ZC3H12B: variants seen among roughly 807,000 people sequenced by gnomAD.
ZC3H12B encodes the protein probable ribonuclease ZC3H12B.
In ZC3H12B, 7 loss-of-function variants were observed where a neutral mutation model predicts 43.9. The ratio of observed to expected loss-of-function variants is 0.16; its 90% CI spans 0.09 to 0.30. The LOEUF (loss-of-function observed/expected upper bound fraction) is 0.30, where lower values mean the gene tolerates loss of function less well. Among genes scored for constraint, ZC3H12B ranks in the 10% least tolerant of loss-of-function variants. The pLI is 1.00. For missense variants in ZC3H12B, 475 were observed against 670.2 expected, an observed-to-expected ratio of 0.71 and a Z score of 3.22; for synonymous variants, 222 against 241.7, an observed-to-expected ratio of 0.92 and a Z score of 0.76.
the ZC3H12B span, among the ~76,000 whole-genome samples, chrX:65,035,294 C>G: frequency 2.7e-5 from 3 of 112,048 alleles, no homozygotes; most frequent in Non-Finnish European, 5.7e-5. Flanking sequence ...CGCACTCGCT[C>G]GGTTCTAGTG....
At chrX:65,141,560 G>C in the ZC3H12B span, among the ~76,000 whole-genome samples, 1 of 108,760 alleles carries the variant, frequency 9.2e-6, no homozygotes, top group Non-Finnish European at 1.9e-5. Context: ...GGAACAAGTG[G>C]TGTTTGGTTT....
At chrX:65,159,660 C>T in the ZC3H12B span, among the ~76,000 whole-genome samples, 4 of 111,845 alleles carry the variant, frequency 3.6e-5, no homozygotes, top group East Asian at 2.8e-4. Flanking sequence ...AGGAGATTTT[C>T]GGCTGAGACA....
At chrX:65,085,781 A>T in the ZC3H12B span, among the ~76,000 whole-genome samples, 1 of 111,346 alleles carries the variant, frequency 9.0e-6, no homozygotes, top group Non-Finnish European at 1.9e-5. Context: ...GAAAAAAAAA[A>T]AAGATTTTGA....
chrX:65,431,045 C>T (rs376142358), intron 3 of ZC3H12B, among the ~76,000 whole-genome samples: 1 of 112,339 alleles, frequency 8.9e-6, no homozygotes, highest in Non-Finnish European at 1.9e-5. Flanking sequence ...TTTTATCAAG[C>T]CAGCTACTTC....
the ZC3H12B span, among the ~76,000 whole-genome samples, chrX:65,273,471 C>T: frequency 1.8e-5 from 2 of 110,117 alleles, no homozygotes; most frequent in South Asian, 7.7e-4. Context: ...ATCAAACAAG[C>T]AAATATATGC....
the ZC3H12B span, among the ~76,000 whole-genome samples, chrX:65,183,741 G>A: frequency 9.0e-6 from 1 of 111,566 alleles, no homozygotes; most frequent in African/African-American, 3.3e-5. Context: ...AATAGAATAT[G>A]TAAGGTACTT....
chrX:65,274,760 T>C, the ZC3H12B span, among the ~76,000 whole-genome samples: 1 of 110,963 alleles, frequency 9.0e-6, no homozygotes, highest in Non-Finnish European at 1.9e-5. Flanking sequence ...TCCTGTCCAA[T>C]GGCCATGTGC....
the ZC3H12B span, among the ~76,000 whole-genome samples, chrX:65,154,277 G>A: frequency 2.4e-4 from 27 of 111,301 alleles, no homozygotes; most frequent in East Asian, 5.6e-4. Context: ...TTCTCATGCC[G>A]TACACAAACA....
intron 3 of ZC3H12B, among the ~76,000 whole-genome samples, chrX:65,457,421 C>T (rs193018700): frequency 0.046 from 3,398 of 73,354 alleles, 470 homozygotes; most frequent in African/African-American, 0.24. Context: ...CCTGGCCGGC[C>T]GCCCCGTCCG....
chrX:65,074,078 G>A, the ZC3H12B span, among the ~76,000 whole-genome samples: 1 of 111,541 alleles, frequency 9.0e-6, no homozygotes, highest in Non-Finnish European at 1.9e-5. Flanking sequence ...AGCAGTGGAG[G>A]TTTTATTTTC....
At chrX:65,337,042 C>A in the ZC3H12B span, among the ~76,000 whole-genome samples, 1 of 112,294 alleles carries the variant, frequency 8.9e-6, no homozygotes, top group East Asian at 2.8e-4. Context: ...AAGTTGAGCC[C>A]TGAACCCAAG....
At chrX:65,191,918 G>C in the ZC3H12B span, among the ~76,000 whole-genome samples, 1 of 103,014 alleles carries the variant, frequency 9.7e-6, no homozygotes, top group East Asian at 3.0e-4. Flanking sequence ...GATCTTTCCT[G>C]CTTTCTCTTG....
the ZC3H12B span, among the ~76,000 whole-genome samples, chrX:65,148,442 G>C: frequency 9.0e-6 from 1 of 111,635 alleles, no homozygotes; most frequent in East Asian, 2.8e-4. Context: ...TCTGGTCCTG[G>C]GGCATGCCTA....
chrX:65,120,600 A>G, the ZC3H12B span, among the ~76,000 whole-genome samples: 2 of 111,424 alleles, frequency 1.8e-5, no homozygotes, highest in Non-Finnish European at 3.8e-5. Flanking sequence ...GCAAACAGGG[A>G]CAATTTGACT....
At chrX:65,450,328 C>T (rs1262097095) in intron 3 of ZC3H12B, among the ~76,000 whole-genome samples, 3 of 78,432 alleles carry the variant, frequency 3.8e-5, no homozygotes, top group African/African-American at 1.5e-4. Flanking sequence ...TATATATATA[C>T]ATATATATGT....
the ZC3H12B span, among the ~76,000 whole-genome samples, chrX:65,116,023 A>C: frequency 0.24 from 26,754 of 110,454 alleles, 7,705 homozygotes; most frequent in African/African-American, 0.83. Flanking sequence ...CTGATTATTT[A>C]TTTTACTGTG....
At chrX:65,262,390 C>G in the ZC3H12B span, among the ~76,000 whole-genome samples, 2 of 110,865 alleles carry the variant, frequency 1.8e-5, no homozygotes, top group Admixed American at 9.6e-5. Context: ...TAAGCAGATT[C>G]TGCCAGCAGC....
chrX:65,456,717 T>G (rs2067620913), intron 3 of ZC3H12B, among the ~76,000 whole-genome samples: 2 of 109,141 alleles, frequency 1.8e-5, no homozygotes, highest in African/African-American at 6.7e-5. Context: ...GCACCGGGAT[T>G]GCAGACAGAG....
At chrX:65,381,269 C>A (rs770230253) in intron 2 of ZC3H12B, among the ~76,000 whole-genome samples, 2 of 111,766 alleles carry the variant, frequency 1.8e-5, no homozygotes, top group Admixed American at 1.9e-4. Context: ...GACCACAGTG[C>A]AATCAAACTA....
Sources: allele counts gnomAD v4.1 joint callset (sites outside exome capture counted in the v4.1 genomes callset), GRCh38; gene constraint gnomAD v4.1.1; transcripts MANE v1.5; gene names NCBI Gene and HGNC (gene_info 2026-07-23, HGNC 2026-07-21).